Variants in TTLL11 observed in about 807,000 individuals in gnomAD.
The protein encoded by TTLL11 is tubulin tyrosine ligase like 11, also known as tubulin polyglutamylase TTLL11.
A neutral mutation model predicts 51.7 loss-of-function variants in TTLL11; 42 were observed. The observed-to-expected ratio is 0.81, with a 90% CI of 0.64 to 1.05. The LOEUF is 1.05. TTLL11 is among the 50% of genes least tolerant of loss of function. The probability of loss-of-function intolerance (pLI) is 0.00; values close to 1 mark genes in which losing one functional copy is unlikely to be tolerated. For missense variants in TTLL11, 799 were observed against 940.4 expected (o/e 0.85, Z 1.97); for synonymous variants, 381 against 383.5 (o/e 0.99, Z 0.08).
At chr9:121,981,539 T>C (rs1842830200) in intron 4 of TTLL11, among the ~76,000 whole-genome samples, 1 of 152,246 alleles carries the variant, frequency 6.6e-6, no homozygotes, top group African/African-American at 2.4e-5. Context: ...GATCTGTTTC[T>C]CTGAAATGAT....
At chr9:121,985,240 G>A (rs562023287) in intron 4 of TTLL11, among the ~76,000 whole-genome samples, 5 of 152,294 alleles carry the variant, frequency 3.3e-5, no homozygotes, top group Non-Finnish European at 7.3e-5. Context: ...CTATCTGCAC[G>A]GAACATTACA....
chr9:121,878,888 C>T (rs184310206), intron 6 of TTLL11, among the ~76,000 whole-genome samples: 1 of 152,148 alleles, frequency 6.6e-6, no homozygotes, highest in Non-Finnish European at 1.5e-5. Flanking sequence ...CCAGTCGCCT[C>T]CTCCTCCCTG....
At chr9:122,071,430 G>A (rs1845725153) in intron 1 of TTLL11, among the ~76,000 whole-genome samples, 1 of 152,210 alleles carries the variant, frequency 6.6e-6, no homozygotes, top group Non-Finnish European at 1.5e-5. Context: ...TGCCTGGAAG[G>A]AGATGCAAGA....
intron 4 of TTLL11, chr9:121,988,936 T>C: frequency 1.4e-6 from 1 of 732,256 alleles, no homozygotes; most frequent in Non-Finnish European, 2.1e-6. Context: ...CATTTAATTC[T>C]TACAAGAACC....
intron 3 of TTLL11, among the ~76,000 whole-genome samples, chr9:122,030,849 G>T (rs546880413): frequency 2.0e-5 from 3 of 152,010 alleles, no homozygotes; most frequent in Non-Finnish European, 4.4e-5. Flanking sequence ...GCTGAGGCAG[G>T]AGAATGGCTT....
intron 8 of TTLL11, among the ~76,000 whole-genome samples, chr9:121,851,905 C>A (rs886833719): frequency 2.0e-5 from 3 of 152,182 alleles, no homozygotes; most frequent in Non-Finnish European, 4.4e-5. Flanking sequence ...CAGGCTTAGC[C>A]AAGACCAAGG....
intron 6 of TTLL11, among the ~76,000 whole-genome samples, chr9:121,894,978 G>A (rs1839397093): frequency 7.4e-6 from 1 of 134,732 alleles, no homozygotes; most frequent in African/African-American, 2.7e-5. Context: ...TCATGGTTGA[G>A]AAGAAAAGTC....
intron 4 of TTLL11, among the ~76,000 whole-genome samples, chr9:121,978,875 C>G (rs186780631): frequency 6.6e-6 from 1 of 152,138 alleles, no homozygotes; most frequent in Non-Finnish European, 1.5e-5. Context: ...CTAGAGTCCA[C>G]AAATTCAGCG....
chr9:121,864,525 T>A (rs1838123953), intron 7 of TTLL11, among the ~76,000 whole-genome samples: 2 of 152,212 alleles, frequency 1.3e-5, no homozygotes, highest in Non-Finnish European at 2.9e-5. Context: ...CGTAACCTTG[T>A]GCAGGTCATG....
chr9:122,000,385 T>A (rs376093519), intron 3 of TTLL11, among the ~76,000 whole-genome samples: 2 of 138,686 alleles, frequency 1.4e-5, no homozygotes, highest in South Asian at 4.5e-4. Flanking sequence ...GGCAGGAGAA[T>A]GGTGTGAACC....
chr9:121,898,105 ACAGGGTTTCAC>A (rs1839609546), intron 6 of TTLL11, among the ~76,000 whole-genome samples: 1 of 151,962 alleles, frequency 6.6e-6, no homozygotes, highest in Admixed American at 6.6e-5. Context: ...TTAAGTAGAG[ACAGGGTTTCAC>A]CATGTTGGCC....
chr9:121,932,376 C>A (rs1841020047), intron 6 of TTLL11, among the ~76,000 whole-genome samples: 1 of 152,218 alleles, frequency 6.6e-6, no homozygotes, highest in South Asian at 2.1e-4. Flanking sequence ...CCTGCACCTG[C>A]ATCCTTCCTT....
chr9:122,054,800 C>T (rs1403429001), intron 1 of TTLL11, among the ~76,000 whole-genome samples: 1 of 152,136 alleles, frequency 6.6e-6, no homozygotes, highest in Non-Finnish European at 1.5e-5. Context: ...CTAGACTCTT[C>T]CATATCGAAA....
At chr9:122,001,811 T>A (rs1041248765) in intron 3 of TTLL11, among the ~76,000 whole-genome samples, 15 of 152,208 alleles carry the variant, frequency 9.9e-5, no homozygotes, top group Non-Finnish European at 1.8e-4. Context: ...ACACTCAGCC[T>A]GATCATTTAC....
chr9:121,916,567 TA>T (rs1380986564), intron 6 of TTLL11, among the ~76,000 whole-genome samples: 1 of 152,102 alleles, frequency 6.6e-6, no homozygotes, highest in Non-Finnish European at 1.5e-5. Flanking sequence ...CAAACCAGAA[TA>T]AAACAGAATA....
intron 8 of TTLL11, among the ~76,000 whole-genome samples, chr9:121,836,113 C>T (rs1020877145): frequency 6.6e-6 from 1 of 152,142 alleles, no homozygotes; most frequent in African/African-American, 2.4e-5. Flanking sequence ...ATCCTCAGAA[C>T]AAAATCTGGA....
In TTLL11 at chr9:122,093,025, G is replaced by T; in HGVS notation, c.124C>A (p.Arg42Ser). 6.5e-7 allele frequency: 1 copy of T among 1,530,090 alleles called. No homozygotes were observed. The allele number at this position is 1,530,090 out of a possible 1,614,324, so 94.8% of individuals were successfully genotyped here. A position where few individuals can be genotyped will look rare whatever the true frequency, so the allele number is the denominator to read the frequency against. The change falls in exon 1 of 9, where the codon CGC (arginine) becomes AGC (serine). Residue 42 changes from arginine to serine, a missense_variant. Arg to Ser is a moderately radical substitution (Grantham distance 110). This residue lies in a region of TTLL11 where 166 missense variants were observed against 161.6 expected (regional missense o/e 1.03). Coordinates refer to ENST00000321582, the MANE Select transcript of TTLL11 (RefSeq NM_001139442.2). ...ATAETVAEQV[R>S]VDAGAAGEPE... ...TCCCCGGCCGCGCCCGCGTCCACGC[G>T]GACCTGTTCCGCCACCGTCTCCGCT...
chr9:121,880,013 T>A (rs926123913), intron 6 of TTLL11, among the ~76,000 whole-genome samples: 8 of 151,694 alleles, frequency 5.3e-5, no homozygotes, highest in African/African-American at 1.9e-4. Flanking sequence ...AGAAAAAAAA[T>A]GACACAGCTA....
intron 1 of TTLL11, among the ~76,000 whole-genome samples, chr9:122,076,873 C>T (rs1189698478): frequency 1.3e-5 from 2 of 152,100 alleles, no homozygotes; most frequent in Admixed American, 1.3e-4. Flanking sequence ...AAATCCTCAC[C>T]TAGAAATGTC....
Sources: allele counts gnomAD v4.1 joint callset (sites outside exome capture counted in the v4.1 genomes callset), GRCh38; gene constraint gnomAD v4.1.1; regional missense constraint gnomAD v4.1.1; transcripts MANE v1.5; gene names NCBI Gene and HGNC (gene_info 2026-07-23, HGNC 2026-07-21).